DOCK1: variants seen among roughly 807,000 people sequenced by gnomAD.
DOCK1 encodes dedicator of cytokinesis protein 1.
DOCK1 carries 138 observed loss-of-function variants against 262.7 expected under a neutral mutation model. The ratio of observed to expected loss-of-function variants is 0.53; its 90% confidence interval spans 0.46 to 0.61. The LOEUF (loss-of-function observed/expected upper bound fraction) is 0.61. Ranked by LOEUF, DOCK1 falls within the 20% of genes least tolerant of loss-of-function variation. The pLI is 0.00. For synonymous variants in DOCK1, 866 were observed against 867.4 expected (o/e 1.00, Z 0.03); for missense variants, 1,908 against 2,370.7 (o/e 0.80, Z 4.05).
intron 18 of DOCK1, 140 bp from the exon 19 acceptor site, chr10:127,037,579 T>C (rs2043724367): frequency 7.9e-6 from 5 of 633,580 alleles, no homozygotes; most frequent in African/African-American, 1.8e-5. Flanking sequence ...GAATGGAATA[T>C]TTAGCAGGTG....
chr10:127,297,634 A>G (rs1196725287), intron 29 of DOCK1, among the ~76,000 whole-genome samples: 3 of 152,228 alleles, frequency 2.0e-5, no homozygotes, highest in African/African-American at 4.8e-5. Context: ...GCACCTCTCA[A>G]TCATGCTATA....
At chr10:127,352,474 T>C (rs1201270129) in intron 31 of DOCK1, among the ~76,000 whole-genome samples, 2 of 152,130 alleles carry the variant, frequency 1.3e-5, no homozygotes, top group Non-Finnish European at 2.9e-5. Context: ...TACTTTAGGA[T>C]GTCTGAACTT....
chr10:127,256,614 A>G (rs1564939843), intron 28 of DOCK1, among the ~76,000 whole-genome samples: 1 of 152,084 alleles, frequency 6.6e-6, no homozygotes, highest in Non-Finnish European at 1.5e-5. Context: ...ATAGACACAT[A>G]CTGGAGTCCC....
At chr10:127,153,769 G>A in intron 27 of DOCK1, 1 of 1,065,670 alleles carries the variant, frequency 9.4e-7, no homozygotes, top group South Asian at 1.3e-5. Flanking sequence ...TCCCAGCATG[G>A]CCCCAGATCG....
At chr10:127,185,468 G>A (rs1334817736) in intron 27 of DOCK1, among the ~76,000 whole-genome samples, 11 of 152,210 alleles carry the variant, frequency 7.2e-5, no homozygotes, top group Non-Finnish European at 1.3e-4. Flanking sequence ...GGAGGTTGCA[G>A]TGAGCCGAGA....
intron 27 of DOCK1, among the ~76,000 whole-genome samples, chr10:127,195,164 G>A (rs901551276): frequency 5.3e-5 from 8 of 152,188 alleles, no homozygotes; most frequent in Non-Finnish European, 7.3e-5. Flanking sequence ...AAGCAGTGGG[G>A]ACATCAGCCT....
At chr10:127,429,787 G>A (rs527356163) in intron 47 of DOCK1, among the ~76,000 whole-genome samples, 35 of 152,300 alleles carry the variant, frequency 2.3e-4, no homozygotes, top group African/African-American at 7.9e-4. Context: ...TGCCACGTTC[G>A]GCATTGGCCC....
chr10:127,348,939 A>C (rs1351119291), intron 31 of DOCK1, among the ~76,000 whole-genome samples: 1 of 152,082 alleles, frequency 6.6e-6, no homozygotes, highest in Non-Finnish European at 1.5e-5. Flanking sequence ...TTTTTTCAAG[A>C]GACTGAAATT....
chr10:127,225,690 G>A (rs983384762), intron 27 of DOCK1, among the ~76,000 whole-genome samples: 1 of 152,176 alleles, frequency 6.6e-6, no homozygotes, highest in African/African-American at 2.4e-5. Flanking sequence ...AAAGTTACCA[G>A]TACCCTTTTT....
At chr10:127,270,948 C>G (rs1177047695) in intron 29 of DOCK1, among the ~76,000 whole-genome samples, 3 of 151,830 alleles carry the variant, frequency 2.0e-5, no homozygotes, top group South Asian at 2.1e-4. Context: ...CTCTTGTATT[C>G]AAGACTCTTG....
At chr10:127,000,603 A>G in intron 10 of DOCK1, 1 of 316,824 alleles carries the variant, frequency 3.2e-6, no homozygotes, top group South Asian at 5.3e-5. Context: ...GAAGCCAGTC[A>G]GTGGAGGTTT....
At chr10:126,990,803 A>T (rs2039735556) in intron 6 of DOCK1, among the ~76,000 whole-genome samples, 200 bp downstream of exon 6, 1 of 152,120 alleles carries the variant, frequency 6.6e-6, no homozygotes, top group South Asian at 2.1e-4. Context: ...CCATTCTTGA[A>T]ACCTTGTCAT....
In DOCK1 at chr10:127,176,101, C is replaced by T. The variant is rs139369079; in HGVS notation, c.2847+48337C>T. On this transcript the variant is annotated intron_variant, in intron 27 of 51. Coordinates refer to ENST00000623213, the MANE Select transcript of DOCK1 (RefSeq NM_001290223.2). The surrounding 1 kb of genome is among the most constrained non-coding windows in gnomAD (Gnocchi z 4.4). The stretch of plus-strand genomic sequence containing the variant: ...GTCTGCACGCCTGTGCTCTTGGTGA[C>T]GTTGGGGATGGACCTGCGTGCGGGC... The T allele has an allele frequency of 4.1e-4, 668 of 1,614,126 alleles. No homozygotes were observed. The highest frequency in any genetic ancestry group is 5.3e-4 in the Non-Finnish European group (625 of 1,180,032).
chr10:127,335,807 C>T (rs2063166413), intron 29 of DOCK1, among the ~76,000 whole-genome samples: 2 of 152,016 alleles, frequency 1.3e-5, no homozygotes, highest in African/African-American at 2.4e-5. Context: ...CTCCACCTCC[C>T]AGGTTCATGC....
chr10:126,962,169 T>TA (rs2037275464), intron 1 of DOCK1, among the ~76,000 whole-genome samples: 1 of 151,026 alleles, frequency 6.6e-6, no homozygotes, highest in East Asian at 2.0e-4. Flanking sequence ...GACTCTTTTT[T>TA]TTTTTTTGAG....
intron 48 of DOCK1, among the ~76,000 whole-genome samples, chr10:127,436,588 C>T (rs1003789624): frequency 6.6e-6 from 1 of 151,880 alleles, no homozygotes; most frequent in Non-Finnish European, 1.5e-5. Flanking sequence ...CATGCCCCAT[C>T]ATGCAGTCTT....
Position 127,276,966 on chromosome 10 carries a change from T to G in DOCK1, c.3044+19537T>G, listed in dbSNP as rs555686720. On this transcript the variant is annotated intron_variant, in intron 29 of 51. Transcript: ENST00000623213. ...CACAGAGCTGGAAAAACTAATAGAC[T>G]AGATGCATCTTACTGATCACGTTGA... Among the ~76,000 whole-genome samples the G allele has an allele frequency of 2.0e-5, 3 of 152,232 alleles. No individual in the cohort carries two copies. In the East Asian group the frequency reaches 5.8e-4, roughly 29 times the overall value.
chr10:127,004,435 A>T (rs779509001), intron 10 of DOCK1, among the ~76,000 whole-genome samples: 1 of 152,066 alleles, frequency 6.6e-6, no homozygotes, highest in African/African-American at 2.4e-5. Flanking sequence ...AATATGAGAA[A>T]AATCTTGCGA....
At chr10:127,308,517 A>G (rs1185331618) in intron 29 of DOCK1, among the ~76,000 whole-genome samples, 1 of 152,182 alleles carries the variant, frequency 6.6e-6, no homozygotes, top group African/African-American at 2.4e-5. Context: ...TGCTGTACCT[A>G]TCAACCCATC....
Sources: gnomAD v4.1 joint callset for allele counts (sites outside exome capture counted in the v4.1 genomes callset) on GRCh38, gnomAD v4.1.1 for gene constraint, Gnocchi (gnomAD v3.1) non-coding constraint, MANE v1.5 for transcripts, NCBI Gene and HGNC (gene_info 2026-07-23, HGNC 2026-07-21) for gene names.